The following RECQL variants were observed in gnomAD, a reference collection of about 807,000 sequenced individuals.
RECQL encodes the protein RecQ like helicase, also known as ATP-dependent DNA helicase Q1.
Under a neutral mutation model 75.8 loss-of-function variants are expected in RECQL, and 73 were observed. That is an observed-to-expected ratio of 0.96 (90% confidence interval 0.80 to 1.17). The LOEUF (loss-of-function observed/expected upper bound fraction) is 1.17. Among genes scored for constraint, RECQL ranks in the 50% most tolerant of loss-of-function variants. RECQL has a pLI of 0.00. For synonymous variants in RECQL, 248 were observed against 254.4 expected (o/e 0.97, Z 0.24); for missense variants, 699 against 772.1 (o/e 0.91, Z 1.12).
At chr12:21,499,120 C>T (rs934688018) in intron 2 of RECQL, among the ~76,000 whole-genome samples, 2 of 152,100 alleles carry the variant, frequency 1.3e-5, no homozygotes, top group Admixed American at 6.6e-5. Flanking sequence ...AGCATGATTC[C>T]GCTATTGCCT....
At chr12:21,486,796 G>A (rs983620900) in intron 4 of RECQL, among the ~76,000 whole-genome samples, 13 of 149,474 alleles carry the variant, frequency 8.7e-5, no homozygotes, top group African/African-American at 1.5e-4. Context: ...TCAGCCTCCC[G>A]AGTAGCTGGG....
chr12:21,476,721 T>C lies in RECQL; in HGVS notation c.949+190A>G, dbSNP rs2159944. Among the ~76,000 whole-genome samples the C allele has an allele frequency of 0.22, 33,601 of 152,052 alleles. 4,107 individuals carry two copies. The highest frequency in any genetic ancestry group is 0.3 in the East Asian group (1,570 of 5,176). On this transcript the variant is annotated intron_variant, in intron 8 of 14. Coordinates refer to ENST00000444129, the MANE Select transcript of RECQL (RefSeq NM_002907.4). Reference sequence around the variant, plus strand: ...AGGCAATTTGACGACTCATAATCTATGGCATAAGCAAATGTCACACCCAAT... The same window carrying C: ...AGGCAATTTGACGACTCATAATCTACGGCATAAGCAAATGTCACACCCAAT...
chr12:21,479,437 C>T (rs1044889869), intron 6 of RECQL, among the ~76,000 whole-genome samples: 5 of 150,830 alleles, frequency 3.3e-5, no homozygotes, highest in Non-Finnish European at 7.4e-5. Flanking sequence ...ACTGCAAGCT[C>T]CACCTCCCGG....
At chr12:21,479,658 T>C (rs553399735) in intron 6 of RECQL, among the ~76,000 whole-genome samples, 1 of 152,152 alleles carries the variant, frequency 6.6e-6, no homozygotes, top group African/African-American at 2.4e-5. Flanking sequence ...GAGCCCATCA[T>C]GTAATTTTTA....
chr12:21,493,099 C>A (rs1591991337), intron 2 of RECQL, among the ~76,000 whole-genome samples: 1 of 152,172 alleles, frequency 6.6e-6, no homozygotes, highest in African/African-American at 2.4e-5. Flanking sequence ...TGACTGAACC[C>A]TAACCAATAC....
At position 21,477,929 on chromosome 12, in the gene RECQL, G is replaced by A. The variant is rs148490073; in HGVS notation, c.741C>T (p.Asn247=). The change falls in exon 7 of 15, where the codon AAC becomes AAT. Residue 247 remains asparagine (N), a synonymous_variant. Coordinates refer to ENST00000444129, the MANE Select transcript of RECQL (RefSeq NM_002907.4). ...TTGCAGTCAGCCCAATTAGTGATGC[G>A]TTAGGGAACTGCCGCTTTAAGATAC... ...ALGILKRQFP[N]ASLIGLTATA... The A allele has an allele frequency of 6.9e-5, 112 of 1,612,176 alleles. No individual in the cohort carries two copies. Among genetic ancestry groups the A allele is most frequent in the Admixed American group, 2.3e-4 (14 of 59,676 alleles).
At chr12:21,478,795 C>T (rs1319070545) in intron 6 of RECQL, among the ~76,000 whole-genome samples, 2 of 152,164 alleles carry the variant, frequency 1.3e-5, no homozygotes, top group South Asian at 2.1e-4. Context: ...AGAAGTGAAC[C>T]AGCTAACATC....
intron 8 of RECQL, 64 bp downstream of exon 8, chr12:21,476,844 CAAT>C (rs1193796427): frequency 4.1e-6 from 4 of 971,088 alleles, no homozygotes; most frequent in Non-Finnish European, 6.2e-6. Context: ...GTATAATTAT[CAAT>C]ATGATATGAA....
At chr12:21,477,530 GAACA>G (rs1943109148) in intron 7 of RECQL, among the ~76,000 whole-genome samples, 1 of 152,010 alleles carries the variant, frequency 6.6e-6, no homozygotes, top group African/African-American at 2.4e-5. Context: ...ATACAAAAAA[GAACA>G]TACAGAAATT....
chr12:21,480,974 A>AT (rs1591979203), intron 6 of RECQL, among the ~76,000 whole-genome samples: 1 of 152,052 alleles, frequency 6.6e-6, no homozygotes, highest in African/African-American at 2.4e-5. Flanking sequence ...TTTTCTTTTT[A>AT]CTTTTTCAGT....
At position 21,483,596 on chromosome 12, in the gene RECQL, C is replaced by A. The variant is rs755392590; in HGVS notation, c.502-22G>T. 9 of 1,520,756 alleles carry A rather than the reference C, an allele frequency of 5.9e-6. No homozygotes were observed. In the Admixed American group the frequency reaches 1.6e-4, roughly 26 times the overall value. 94.2% of individuals were successfully genotyped at this position (1,520,756 alleles called of 1,614,324 possible). A position where few individuals can be genotyped will look rare whatever the true frequency, so the allele number is the denominator to read the frequency against. On this transcript the variant is annotated intron_variant, in intron 5 of 14. Coordinates refer to ENST00000444129, the MANE Select transcript of RECQL (RefSeq NM_002907.4). ...GCTCCTATTAAAAGAAAAAAATAGA[C>A]ACAATGATAGTAAAACTAAGCTAGC...
intron 4 of RECQL, among the ~76,000 whole-genome samples, chr12:21,488,032 T>C (rs1185588260): frequency 6.6e-6 from 1 of 152,154 alleles, no homozygotes; most frequent in African/African-American, 2.4e-5. Flanking sequence ...CTTCCCTTCA[T>C]AGTCATTCTT....
At chr12:21,477,693 A>T in intron 7 of RECQL, 110 bp downstream of exon 7, 1 of 804,382 alleles carries the variant, frequency 1.2e-6, no homozygotes, top group Non-Finnish European at 1.9e-6. Context: ...TCCTAATGTT[A>T]AAAATTTTTG....
chr12:21,483,254 C>T (rs892019263), intron 6 of RECQL, 122 bp downstream of exon 6: 20 of 748,878 alleles, frequency 2.7e-5, no homozygotes, highest in Admixed American at 6.3e-5. Context: ...TTCTGGATAA[C>T]GGATATTCAA....
intron 10 of RECQL, 99 bp from the exon 11 acceptor site, chr12:21,475,078 A>G (rs1943057212): frequency 8.4e-7 from 1 of 1,190,214 alleles, no homozygotes; most frequent in South Asian, 1.6e-5. Flanking sequence ...GTTTTATACT[A>G]CATCTAGAAA....
chr12:21,483,866 TG>T (rs1324397697), intron 5 of RECQL, among the ~76,000 whole-genome samples: 1 of 152,188 alleles, frequency 6.6e-6, no homozygotes, highest in African/African-American at 2.4e-5. Flanking sequence ...ATTTATTCTA[TG>T]AAGGCATAAT....
intron 12 of RECQL, among the ~76,000 whole-genome samples, chr12:21,472,078 T>G (rs1209503967): frequency 2.0e-5 from 3 of 152,092 alleles, no homozygotes; most frequent in Non-Finnish European, 2.9e-5. Context: ...CTCTGATTTA[T>G]ATATAACACT....
At chr12:21,500,624 T>C (rs1943593068) in intron 1 of RECQL, among the ~76,000 whole-genome samples, 2 of 152,336 alleles carry the variant, frequency 1.3e-5, no homozygotes, top group South Asian at 2.1e-4. Flanking sequence ...TCTTGATCTA[T>C]ACAAACATCT....
In RECQL at chr12:21,474,778, C is replaced by G. The variant is rs568168962; in HGVS notation, c.1355+63G>C. 6.7e-6 allele frequency: 10 copies of G among 1,499,740 alleles called. No homozygotes were observed. In the African/African-American group the frequency reaches 1.4e-4, roughly 21 times the overall value. The allele number at this position is 1,499,740 out of a possible 1,614,324, so 92.9% of individuals were successfully genotyped here. A position where few individuals can be genotyped will look rare whatever the true frequency, so the allele number is the denominator to read the frequency against. On this transcript the variant is annotated intron_variant, in intron 11 of 14. Coordinates refer to ENST00000444129, the MANE Select transcript of RECQL (RefSeq NM_002907.4). ...AATGTATTTAGTAAGAACTTAAAAA[C>G]GATGTCATATACTTTCATATTTGCT...
Sources: gnomAD v4.1 joint callset for allele counts (sites outside exome capture counted in the v4.1 genomes callset) on GRCh38, gnomAD v4.1.1 for gene constraint, MANE v1.5 for transcripts, NCBI Gene and HGNC (gene_info 2026-07-23, HGNC 2026-07-21) for gene names.